DAAM1: variants seen among roughly 807,000 people sequenced by gnomAD.
DAAM1 encodes disheveled-associated activator of morphogenesis 1.
In DAAM1, 52 loss-of-function variants were observed where a neutral mutation model predicts 130.0. The ratio of observed to expected loss-of-function variants is 0.40; its 90% confidence interval spans 0.32 to 0.50. The LOEUF (loss-of-function observed/expected upper bound fraction) is 0.50. Among genes scored for constraint, DAAM1 ranks in the 20% least tolerant of loss-of-function variants. The pLI, the probability that DAAM1 is intolerant of heterozygous loss-of-function variation, is 0.61. For missense variants in DAAM1, 1,134 were observed against 1,303.8 expected, an observed-to-expected ratio of 0.87 and a Z score of 2.01; for synonymous variants, 452 against 444.5, an observed-to-expected ratio of 1.02 and a Z score of -0.21.
At chr14:59,248,050 A>G (rs1881470973) in intron 1 of DAAM1, among the ~76,000 whole-genome samples, 2 of 152,230 alleles carry the variant, frequency 1.3e-5, no homozygotes, top group African/African-American at 4.8e-5. Context: ...TGAAGTCTAA[A>G]TATTAACTTC....
intron 3 of DAAM1, among the ~76,000 whole-genome samples, chr14:59,314,067 G>A (rs1185064550): frequency 6.6e-6 from 1 of 152,196 alleles, no homozygotes; most frequent in Non-Finnish European, 1.5e-5. Flanking sequence ...CACCTGTGTA[G>A]ACCTGTCTGG....
At chr14:59,289,824 C>T (rs984548177) in intron 2 of DAAM1, among the ~76,000 whole-genome samples, 1 of 141,336 alleles carries the variant, frequency 7.1e-6, no homozygotes, top group African/African-American at 2.7e-5. Context: ...AAGATCATGT[C>T]CCTTGCAGCA....
chr14:59,346,503 ATGCC>A (rs1886085941), intron 16 of DAAM1, among the ~76,000 whole-genome samples: 1 of 152,216 alleles, frequency 6.6e-6, no homozygotes, highest in Non-Finnish European at 1.5e-5. Flanking sequence ...ATGGTGACTC[ATGCC>A]TGTAATCCCA....
At chr14:59,305,117 A>C (rs1330520506) in intron 3 of DAAM1, among the ~76,000 whole-genome samples, 1 of 152,226 alleles carries the variant, frequency 6.6e-6, no homozygotes. Flanking sequence ...ACGATACATA[A>C]GGGTTTAGCG....
rs115988400 is a variant in DAAM1 at position 59,297,509 on chromosome 14, G to A, written c.273+6203G>A. Among the ~76,000 whole-genome samples the A allele has an allele frequency of 6.4e-3, 980 of 152,290 alleles. 15 individuals are homozygous for A. Among genetic ancestry groups the A allele is most frequent in the African/African-American group, 0.023 (949 of 41,550 alleles). On this transcript the variant is annotated intron_variant, in intron 3 of 24. Transcript: ENST00000360909. Reference sequence around the variant, plus strand: ...GACAGCAGAGCATTTTGCAGCCAGTGAAAAGTCATGTTTCTAAAGAAATTT... The same window carrying A: ...GACAGCAGAGCATTTTGCAGCCAGTAAAAAGTCATGTTTCTAAAGAAATTT...
At chr14:59,280,535 CTT>C (rs35354608) in intron 2 of DAAM1, among the ~76,000 whole-genome samples, 3 of 90,656 alleles carry the variant, frequency 3.3e-5, no homozygotes, top group African/African-American at 1.3e-4. Flanking sequence ...GCACACCTTC[CTT>C]TTTTTTTTTT....
chr14:59,211,557 A>G (rs942361813), intron 1 of DAAM1, among the ~76,000 whole-genome samples: 14 of 152,324 alleles, frequency 9.2e-5, no homozygotes, highest in South Asian at 4.1e-4. Flanking sequence ...GCAAAAATGA[A>G]TATTTCTCCC....
rs56295309 is a variant in DAAM1, at chr14:59,280,106, G to C, written c.184-11111G>C. ...CACCAAGTGTTGATGAGAATGTGGA[G>C]TAACTGGAACTGCCGTGTATTGCTG... On this transcript the variant is annotated intron_variant, in intron 2 of 24. Transcript: ENST00000360909. Among the ~76,000 whole-genome samples the C allele has an allele frequency of 9.0e-3, 1,368 of 152,312 alleles. 15 individuals are homozygous for C. The highest frequency in any genetic ancestry group is 0.015 in the Non-Finnish European group (997 of 68,032).
At chr14:59,337,691 G>C (rs1258867308) in intron 15 of DAAM1, among the ~76,000 whole-genome samples, 2 of 152,088 alleles carry the variant, frequency 1.3e-5, no homozygotes, top group South Asian at 2.1e-4. Flanking sequence ...TTGTATGCTT[G>C]AACAGTCCTG....
In DAAM1 at chr14:59,188,712, G is replaced by C. The variant is rs1005469870; in HGVS notation, c.-94G>C. The C allele has an allele frequency of 1.3e-5, 2 of 152,852 alleles. No homozygotes were observed. The highest frequency in any genetic ancestry group is 4.8e-5 in the African/African-American group (2 of 41,454). 9.5% of individuals were successfully genotyped at this position (152,852 alleles called of 1,614,324 possible). On this transcript the variant is annotated 5_prime_UTR_variant, in exon 1 of 25. Coordinates refer to ENST00000360909, the MANE Select transcript of DAAM1 (RefSeq NM_001270520.2). ...CGGCTGTGAAGGAAACTGTTTAACCGGATCCCATTGTACCCAGAGTGCAGA... is the reference window on the plus strand; with the variant it reads ...CGGCTGTGAAGGAAACTGTTTAACCCGATCCCATTGTACCCAGAGTGCAGA...
At chr14:59,256,862 TGAG>T (rs1419269094) in intron 1 of DAAM1, among the ~76,000 whole-genome samples, 3 of 152,178 alleles carry the variant, frequency 2.0e-5, no homozygotes, top group Non-Finnish European at 4.4e-5. Context: ...GTGGGTGTAT[TGAG>T]GAGGTTCAGA....
intron 2 of DAAM1, chr14:59,265,644 A>T (rs1036378320): frequency 2.0e-5 from 3 of 152,306 alleles, no homozygotes; most frequent in African/African-American, 7.2e-5. Context: ...GTTGGGGGGA[A>T]TCCATGTTAA....
At chr14:59,302,186 A>G (rs1304710707) in intron 3 of DAAM1, among the ~76,000 whole-genome samples, 1 of 152,208 alleles carries the variant, frequency 6.6e-6, no homozygotes, top group African/African-American at 2.4e-5. Context: ...TAGTTAACCC[A>G]AACTTGCATT....
chr14:59,324,408 C>G lies in DAAM1; in HGVS notation c.943C>G (p.Pro315Ala). The change falls in exon 8 of 25, where the codon CCT (proline) becomes GCT (alanine). Residue 315 changes from proline to alanine, a missense_variant. This residue lies in a region of DAAM1 where 391 missense variants were observed against 521.6 expected (regional missense o/e 0.75). Coordinates refer to ENST00000360909, the MANE Select transcript of DAAM1 (RefSeq NM_001270520.2). ...TGAATTTCTGATGTTAGGAATTCAA[C>G]CTGTAATAGATAAATTAAGGGAACA... ...RYEFLMLGIQPVIDKLREHEN... is the reference protein window; with the variant it reads ...RYEFLMLGIQAVIDKLREHEN... 1 of 1,596,490 alleles carries G rather than the reference C, an allele frequency of 6.3e-7. No homozygotes were observed. The highest frequency in any genetic ancestry group is 1.2e-5 in the South Asian group (1 of 86,734).
intron 20 of DAAM1, among the ~76,000 whole-genome samples, chr14:59,356,072 A>G (rs1886468489): frequency 1.3e-5 from 2 of 152,320 alleles, no homozygotes; most frequent in East Asian, 1.9e-4. Context: ...GGGTAGGGTC[A>G]TTAGGCATAT....
chr14:59,295,555 T>C (rs1438522), intron 3 of DAAM1, among the ~76,000 whole-genome samples: 16,917 of 152,250 alleles, frequency 0.11, 1,539 homozygotes, highest in African/African-American at 0.26. Context: ...TGTGTGGCCA[T>C]TGGGATGCAG....
At chr14:59,364,601 C>G (rs1886839867) in intron 23 of DAAM1, among the ~76,000 whole-genome samples, 1 of 151,554 alleles carries the variant, frequency 6.6e-6, no homozygotes. Flanking sequence ...TTCTTTTACT[C>G]TACCCATCTC....
chr14:59,322,868 A>T (rs8021976), intron 5 of DAAM1, 24 bp from the exon 6 acceptor site: 6 of 1,578,444 alleles, frequency 3.8e-6, no homozygotes, highest in African/African-American at 1.4e-5. Flanking sequence ...GCACTTAAGC[A>T]TGGTGCATTT....
chr14:59,282,461 G>A (rs748790082), intron 2 of DAAM1, among the ~76,000 whole-genome samples: 25 of 152,142 alleles, frequency 1.6e-4, no homozygotes, highest in African/African-American at 4.3e-4. Context: ...GCAAGGTTAC[G>A]TAAGCCATAA....
Sources: allele counts gnomAD v4.1 joint callset (sites outside exome capture counted in the v4.1 genomes callset), GRCh38; gene constraint gnomAD v4.1.1; regional missense constraint gnomAD v4.1.1; transcripts MANE v1.5; gene names NCBI Gene and HGNC (gene_info 2026-07-23, HGNC 2026-07-21).